VPS53: variants seen among roughly 807,000 people sequenced by gnomAD.
VPS53 encodes VPS53 subunit of GARP complex.
Under a neutral mutation model 107.0 loss-of-function variants are expected in VPS53, and 70 were observed. The observed-to-expected ratio is 0.65, with a 90% confidence interval of 0.54 to 0.80. VPS53 has a LOEUF of 0.80. Among genes scored for constraint, VPS53 ranks in the 30% least tolerant of loss-of-function variants. The pLI, the probability that VPS53 is intolerant of heterozygous loss-of-function variation, is 0.00. For missense variants in VPS53, 917 were observed against 1,049.4 expected, an observed-to-expected ratio of 0.87 and a Z score of 1.74; for synonymous variants, 409 against 393.3, an observed-to-expected ratio of 1.04 and a Z score of -0.47.
chr17:598,040 T>C (rs1968070754), intron 12 of VPS53, among the ~76,000 whole-genome samples: 1 of 150,720 alleles, frequency 6.6e-6, no homozygotes, highest in Middle Eastern at 3.2e-3. Flanking sequence ...TGGACTGTAC[T>C]GCTGCCATCT....
chr17:713,537 C>CA (rs1973719022), intron 1 of VPS53, among the ~76,000 whole-genome samples: 1 of 152,000 alleles, frequency 6.6e-6, no homozygotes, highest in Non-Finnish European at 1.5e-5. Flanking sequence ...CCTGTAGTCC[C>CA]AGCTACTCAG....
intron 12 of VPS53, among the ~76,000 whole-genome samples, chr17:597,689 T>A (rs1968041139): frequency 6.6e-6 from 1 of 152,028 alleles, no homozygotes. Flanking sequence ...ATTACAGGCA[T>A]GCACCACCAC....
At chr17:679,922 T>A (rs996839204) in intron 4 of VPS53, among the ~76,000 whole-genome samples, 1 of 152,134 alleles carries the variant, frequency 6.6e-6, no homozygotes, top group African/African-American at 2.4e-5. Flanking sequence ...CCGAGGCAGG[T>A]GGATCACCTG....
intron 4 of VPS53, among the ~76,000 whole-genome samples, chr17:672,265 C>T (rs568499186): frequency 1.6e-3 from 241 of 151,760 alleles, no homozygotes; most frequent in African/African-American, 5.6e-3. Context: ...AGCTGAGACG[C>T]TATCCTTCTG....
At chr17:581,132 C>T (rs570302980) in intron 13 of VPS53, among the ~76,000 whole-genome samples, 141 of 150,782 alleles carry the variant, frequency 9.4e-4, no homozygotes, top group Non-Finnish European at 1.5e-3. Context: ...GGACCTAATG[C>T]GTTTCCAGAG....
rs145041715 is a variant in VPS53 at position 623,652 on chromosome 17, G to C, written c.997C>G (p.Arg333Gly). The stretch of plus-strand genomic sequence containing the variant: ...ACTTCAATTTCCTTCGCTCTGGTAC[G>C]CATAATCTTGGCAAGTTCTGCCCTT... ...VTRAELAKIMRTRAKEIEVKL... is the reference protein window; with the variant it reads ...VTRAELAKIMGTRAKEIEVKL... Residue 333 changes from arginine (R) to glycine (G), a missense_variant, in exon 11 of 22, where the codon CGT becomes GGT. Coordinates refer to ENST00000437048, the MANE Select transcript of VPS53 (RefSeq NM_001128159.3). 6.2e-6 allele frequency: 10 copies of C among 1,612,448 alleles called. No individual in the cohort carries two copies. Among genetic ancestry groups the C allele is most frequent in the Non-Finnish European group, 8.5e-6 (10 of 1,178,940 alleles).
chr17:662,825 AAG>A (rs1293405311), intron 4 of VPS53, among the ~76,000 whole-genome samples: 133 of 139,602 alleles, frequency 9.5e-4, no homozygotes, highest in African/African-American at 2.3e-3. Flanking sequence ...AAGAAAGAGA[AAG>A]AGAAAGAAAG....
chr17:697,431 T>C lies in VPS53; in HGVS notation c.272A>G (p.Gln91Arg), dbSNP rs1198471779. 4.3e-6 allele frequency: 7 copies of C among 1,613,984 alleles called. No homozygotes were observed. The highest frequency in any genetic ancestry group is 2.2e-5 in the East Asian group (1 of 44,904). ...TGAGTTACTTACTTGCCGTCCATCCTGCCCCACGTTCGTCTGACCTCTTAC... is the reference window on the plus strand; with the variant it reads ...TGAGTTACTTACTTGCCGTCCATCCCGCCCCACGTTCGTCTGACCTCTTAC... ...TVVRGQTNVG[Q>R]DGRQALEEAQ... The change falls in exon 4 of 22, where the codon CAG becomes CGG. Residue 91 changes from glutamine to arginine, a missense_variant. Physicochemically the swap from Gln to Arg is conservative, Grantham distance 43. Transcript: ENST00000437048.
intron 4 of VPS53, among the ~76,000 whole-genome samples, chr17:676,580 G>A (rs1972168480): frequency 6.6e-6 from 1 of 152,218 alleles, no homozygotes; most frequent in Admixed American, 6.5e-5. Context: ...ATGGAAATAA[G>A]CAGATGGTGA....
At chr17:561,600 T>C (rs563949894) in intron 14 of VPS53, among the ~76,000 whole-genome samples, 1 of 152,300 alleles carries the variant, frequency 6.6e-6, no homozygotes, top group East Asian at 1.9e-4. Flanking sequence ...ACGTTCTCTT[T>C]GGGTAGTGGG....
intron 12 of VPS53, among the ~76,000 whole-genome samples, chr17:596,140 T>A (rs957409377): frequency 1.3e-5 from 2 of 152,266 alleles, no homozygotes; most frequent in African/African-American, 2.4e-5. Context: ...TAAAGTTTTT[T>A]AAAAAGTGGT....
In VPS53 at chr17:525,569, T is replaced by C. The variant is rs150053362; in HGVS notation, c.2086-3831A>G. 3.1e-3 allele frequency among the ~76,000 whole-genome samples: 477 copies of C among 152,088 alleles called. 5 individuals carry two copies. The highest frequency in any genetic ancestry group is 6.3e-3 in the African/African-American group (262 of 41,496). ...ATTAGACAGGCACAGTGGCACACAC[T>C]TGTAGTCTCAGCTACTTAGGAGGCT... is the stretch of plus-strand genomic sequence containing the variant. On this transcript the variant is annotated intron_variant, in intron 19 of 21. Coordinates refer to ENST00000437048, the MANE Select transcript of VPS53 (RefSeq NM_001128159.3).
chr17:698,848 T>C (rs1973085394), intron 3 of VPS53, among the ~76,000 whole-genome samples: 1 of 152,194 alleles, frequency 6.6e-6, no homozygotes, highest in Non-Finnish European at 1.5e-5. Context: ...AGCATTGAGT[T>C]CCTTGCCACA....
chr17:660,079 T>C, intron 5 of VPS53, among the ~76,000 whole-genome samples: 1 of 152,308 alleles, frequency 6.6e-6, no homozygotes, highest in South Asian at 2.1e-4. Flanking sequence ...ATAGTTGATT[T>C]GCCTCAACTG....
At chr17:624,706 T>C (rs562824602) in intron 10 of VPS53, among the ~76,000 whole-genome samples, 3 of 152,302 alleles carry the variant, frequency 2.0e-5, no homozygotes, top group African/African-American at 7.2e-5. Context: ...GTCCAGCCTC[T>C]CCCAGGCTCC....
At chr17:697,311 G>T (rs917794347) in intron 4 of VPS53, 107 bp downstream of exon 4, 3 of 928,866 alleles carry the variant, frequency 3.2e-6, no homozygotes, top group African/African-American at 1.6e-5. Context: ...TGTATGAAAC[G>T]GATCAATCGG....
At position 573,761 on chromosome 17, in the gene VPS53, G is replaced by T. The variant is rs189960334; in HGVS notation, c.1314-11016C>A. On this transcript the variant is annotated intron_variant, in intron 13 of 21. Coordinates refer to ENST00000437048, the MANE Select transcript of VPS53 (RefSeq NM_001128159.3). ...AGCAAGCGCGAAGCCTCACATCTAGGTATGTCTGGGATCAGGCCCACGCTC... is the reference window on the plus strand; with the variant it reads ...AGCAAGCGCGAAGCCTCACATCTAGTTATGTCTGGGATCAGGCCCACGCTC... Among the ~76,000 whole-genome samples, 256 of 152,284 alleles carry T rather than the reference G, an allele frequency of 1.7e-3. 1 individual carries two copies. Among genetic ancestry groups the T allele is most frequent in the African/African-American group, 5.9e-3 (246 of 41,540 alleles).
chr17:562,277 T>C (rs1913079743), intron 14 of VPS53, among the ~76,000 whole-genome samples: 1 of 152,150 alleles, frequency 6.6e-6, no homozygotes, highest in African/African-American at 2.4e-5. Flanking sequence ...TCCACCGTGG[T>C]AAGATTTGCC....
chr17:611,293 C>T (rs1470671861), intron 11 of VPS53, among the ~76,000 whole-genome samples: 11 of 152,164 alleles, frequency 7.2e-5, no homozygotes, highest in Admixed American at 2.0e-4. Flanking sequence ...GGATTACAGG[C>T]GTGAGCCACC....
Sources: gnomAD v4.1 joint callset for allele counts (sites outside exome capture counted in the v4.1 genomes callset) on GRCh38, gnomAD v4.1.1 for gene constraint, MANE v1.5 for transcripts, NCBI Gene and HGNC (gene_info 2026-07-23, HGNC 2026-07-21) for gene names.